Variants in LRP10 observed in about 807,000 individuals in gnomAD.
LRP10 encodes low-density lipoprotein receptor-related protein 10.
Under a neutral mutation model 58.5 loss-of-function variants are expected in LRP10, and 42 were observed. The observed-to-expected ratio is 0.72, with a 90% CI of 0.56 to 0.93. The LOEUF (loss-of-function observed/expected upper bound fraction) is 0.93. LRP10 is among the 40% of genes least tolerant of loss of function. The pLI is 0.00. For synonymous variants in LRP10, 377 were observed against 388.5 expected (o/e 0.97, Z 0.35); for missense variants, 872 against 940.1 (o/e 0.93, Z 0.95).
chr14:22,875,161 C>T lies in LRP10; in HGVS notation c.322C>T (p.Pro108Ser), dbSNP rs1387074371. Residue 108 changes from proline (P) to serine (S), a missense_variant, in exon 4 of 7, where the codon CCC becomes TCC. Transcript: ENST00000359591. ...GGCACCTCCCAGCCCTCTGCAGCTG[C>T]CCGGGGGCAACGTCACCATCACTTA... ...CEAPPSPLQL[P>S]GGNVTITYSY... 6.2e-7 allele frequency: 1 copy of T among 1,613,772 alleles called. No homozygotes were observed. The highest frequency in any genetic ancestry group is 2.2e-5 in the East Asian group (1 of 44,886).
intron 1 of LRP10, 91 bp downstream of exon 1, chr14:22,872,428 C>T (rs891004191): frequency 2.7e-6 from 4 of 1,482,846 alleles, no homozygotes; most frequent in East Asian, 2.3e-5. Flanking sequence ...TCTATCCTGC[C>T]TGCCCATTCC....
chr14:22,874,552 C>T (rs2039983204), intron 3 of LRP10, among the ~76,000 whole-genome samples: 1 of 152,146 alleles, frequency 6.6e-6, no homozygotes, highest in Non-Finnish European at 1.5e-5. Context: ...ATGAGGTATT[C>T]CTACCATGTT....
rs1595033121 is a variant in LRP10 at position 22,879,137 on chromosome 14, T to C, written c.*1610T>C. On this transcript the variant is annotated 3_prime_UTR_variant, in exon 7 of 7. Transcript: ENST00000359591. ...CCCACACCTGGTGGAGAGGCCCTGT[T>C]GATTACACCCTGTCAGCCTCCTCAA... 2 of 456,260 alleles carry C rather than the reference T, an allele frequency of 4.4e-6. No individual in the cohort carries two copies. The highest frequency in any genetic ancestry group is 8.8e-6 in the Non-Finnish European group (2 of 226,644). 28.3% of individuals were successfully genotyped at this position (456,260 alleles called of 1,614,324 possible).
Position 22,871,892 on chromosome 14 carries a change from C to T in LRP10, c.-412C>T. The stretch of plus-strand genomic sequence containing the variant: ...GAGGAGTGGAGCAGCACCCGGCCGG[C>T]CCTGGGGGCTGACAGTCGGCAAAGT... On this transcript the variant is annotated 5_prime_UTR_variant, in exon 1 of 7. Coordinates refer to ENST00000359591, the MANE Select transcript of LRP10 (RefSeq NM_014045.5). 1 of 270,446 alleles carries T rather than the reference C, an allele frequency of 3.7e-6. No homozygotes were observed. Among genetic ancestry groups the T allele is most frequent in the Non-Finnish European group, 7.1e-6 (1 of 140,230 alleles). The allele number at this position is 270,446 out of a possible 1,614,324, so 16.8% of individuals were successfully genotyped here.
rs969136604 is a variant in LRP10 at position 22,881,175 on chromosome 14, C to T, written c.*3648C>T. On this transcript the variant is annotated 3_prime_UTR_variant, in exon 7 of 7. Transcript: ENST00000359591. The stretch of plus-strand genomic sequence containing the variant: ...CTCTACCAAGTGGTGGATTTAGAGC[C>T]GGCATGGCTTCGTTCCAAATCTCAC... 6.6e-6 allele frequency: 1 copy of T among 152,174 alleles called. No homozygotes were observed. The highest frequency in any genetic ancestry group is 6.5e-5 in the Admixed American group (1 of 15,272). 9.4% of individuals were successfully genotyped at this position (152,174 alleles called of 1,614,324 possible).
At position 22,881,705 on chromosome 14, in the gene LRP10, AAAGT is replaced by A. The variant is rs771251475; in HGVS notation, c.*4181_*4184del. The A allele has an allele frequency of 2.0e-5, 3 of 152,224 alleles. No homozygotes were observed. The highest frequency in any genetic ancestry group is 4.4e-5 in the Non-Finnish European group (3 of 68,048). The allele number at this position is 152,224 out of a possible 1,614,324, so 9.4% of individuals were successfully genotyped here. On this transcript the variant is annotated 3_prime_UTR_variant, in exon 7 of 7. Transcript: ENST00000359591. ...TAAAATTGTGAATAAAAGTAAGTAAAAAGTAAAAGTAAGTAGGCCATGACTGAGG... is the reference window on the plus strand; with the variant it reads ...TAAAATTGTGAATAAAAGTAAGTAAAAAAAGTAAGTAGGCCATGACTGAGG...
At position 22,877,174 on chromosome 14, in the gene LRP10, G is replaced by C; in HGVS notation, c.1789G>C (p.Gly597Arg). The C allele has an allele frequency of 6.2e-7, 1 of 1,601,328 alleles. No homozygotes were observed. The highest frequency in any genetic ancestry group is 8.5e-7 in the Non-Finnish European group (1 of 1,173,924). ...CCTTGAGGCCCTAGATGGTGGCACA[G>C]GTCCAGCCCGTGAGGGCGGGGCAGT... ...APLEALDGGT[G>R]PAREGGAVGG... is the part of the protein sequence containing the mutation. Residue 597 changes from glycine to arginine, a missense_variant, in exon 7 of 7, where the codon GGT becomes CGT. Transcript: ENST00000359591. This position sits in a 1 kb window ranked among gnomAD's most constrained non-coding sequence, Gnocchi z 5.1.
chr14:22,879,463 T>TA lies in LRP10; in HGVS notation c.*1937dup. The TA allele has an allele frequency of 7.6e-6, 2 of 261,942 alleles. No individual in the cohort carries two copies. Among genetic ancestry groups the TA allele is most frequent in the South Asian group, 7.2e-5 (2 of 27,654 alleles). The allele number at this position is 261,942 out of a possible 1,614,324, so 16.2% of individuals were successfully genotyped here. ...TGATTTTCCCTCCCCTGCCTCTCCA[T>TA]AGCCTGGTCTTTTGCCCTCTCCTTT... On this transcript the variant is annotated 3_prime_UTR_variant, in exon 7 of 7. Transcript: ENST00000359591.
At position 22,876,192 on chromosome 14, in the gene LRP10, C is replaced by T; in HGVS notation, c.1244C>T (p.Thr415Met). Reference protein sequence around the residue: ...RCRDEKCVYETWVCDGQPDCA... With the variant: ...RCRDEKCVYEMWVCDGQPDCA... Reference sequence around the variant, plus strand: ...CGGGACGAGAAGTGCGTGTATGAGACGTGGGTGTGCGATGGGCAGCCAGAC... The same window carrying T: ...CGGGACGAGAAGTGCGTGTATGAGATGTGGGTGTGCGATGGGCAGCCAGAC... The change falls in exon 5 of 7, where the codon ACG (threonine) becomes ATG (methionine). Residue 415 changes from threonine to methionine, a missense_variant. Physicochemically the swap from Thr to Met is moderately conservative, Grantham distance 81 (BLOSUM62 -1). Coordinates refer to ENST00000359591, the MANE Select transcript of LRP10 (RefSeq NM_014045.5). 1.2e-6 allele frequency: 2 copies of T among 1,614,218 alleles called. No individual in the cohort carries two copies. Among genetic ancestry groups the T allele is most frequent in the South Asian group, 1.1e-5 (1 of 91,090 alleles).
At position 22,875,798 on chromosome 14, in the gene LRP10, G is replaced by C. The variant is rs2039997807; in HGVS notation, c.850G>C (p.Val284Leu). ...TGTGGAGACACTGTCTGGCCAGGCT[G>C]TTGTGTCCTACCACACAGTTGCTTG... ...VTVETLSGQA[V>L]VSYHTVAWSN... Residue 284 changes from valine to leucine, a missense_variant, in exon 5 of 7, where the codon GTT becomes CTT. Physicochemically the swap from Val to Leu is conservative, Grantham distance 32. Coordinates refer to ENST00000359591, the MANE Select transcript of LRP10 (RefSeq NM_014045.5). The C allele has an allele frequency of 6.2e-7, 1 of 1,614,208 alleles. No individual in the cohort carries two copies. Among genetic ancestry groups the C allele is most frequent in the Non-Finnish European group, 8.5e-7 (1 of 1,180,030 alleles).
chr14:22,874,255 G>T (rs2039981425), intron 3 of LRP10, among the ~76,000 whole-genome samples: 1 of 152,236 alleles, frequency 6.6e-6, no homozygotes, highest in East Asian at 1.9e-4. Context: ...CCAGAAAGGG[G>T]TAGGCAAAGA....
rs752224879 is a variant in LRP10, at chr14:22,875,773, T to C, written c.825T>C (p.Thr275=). ...LTHFSNGKAV[T]VETLSGQAVV... is the part of the protein sequence containing the mutation. ...ACTTCAGCAATGGCAAGGCTGTCAC[T>C]GTGGAGACACTGTCTGGCCAGGCTG... The change falls in exon 5 of 7, where the codon ACT becomes ACC. Residue 275 remains threonine (T), a synonymous_variant. Transcript: ENST00000359591. 10 of 1,614,056 alleles carry C rather than the reference T, an allele frequency of 6.2e-6. No individual in the cohort carries two copies. Among genetic ancestry groups the C allele is most frequent in the Non-Finnish European group, 8.5e-6 (10 of 1,180,020 alleles).
At position 22,875,484 on chromosome 14, in the gene LRP10, T is replaced by C. The variant is rs2039992677; in HGVS notation, c.536T>C (p.Phe179Ser). Reference protein sequence around the residue: ...SDEAGCSSDPFPGLTPRPVPS... With the variant: ...SDEAGCSSDPSPGLTPRPVPS... ...GAAGCAGGTTGCAGCTCAGACCCCT[T>C]CCCTGGCCTGACCCCAAGACCCGTC... Residue 179 changes from phenylalanine to serine, a missense_variant, in exon 5 of 7, where the codon TTC (phenylalanine) becomes TCC (serine). Physicochemically the swap from Phe to Ser is radical, Grantham distance 155. Transcript: ENST00000359591. The C allele has an allele frequency of 1.9e-6, 3 of 1,614,194 alleles. No individual in the cohort carries two copies. Among genetic ancestry groups the C allele is most frequent in the Non-Finnish European group, 2.5e-6 (3 of 1,180,024 alleles).
rs556049793 is a variant in LRP10 at position 22,877,523 on chromosome 14, C to T, written c.2138C>T (p.Thr713Ile). 4 of 1,591,934 alleles carry T rather than the reference C, an allele frequency of 2.5e-6. No homozygotes were observed. In the South Asian group the frequency reaches 3.4e-5, roughly 13 times the overall value. Residue 713 changes from threonine (T) to isoleucine (I), a missense_variant, in exon 7 of 7, where the codon ACC becomes ATC. Coordinates refer to ENST00000359591, the MANE Select transcript of LRP10 (RefSeq NM_014045.5). This position sits in a 1 kb window ranked among gnomAD's most constrained non-coding sequence, Gnocchi z 5.1. The stretch of plus-strand genomic sequence containing the variant: ...GAGGCAGAGGATGAGCCACTGCTTA[C>T]CTGAGGGGACCTGGGGGCTCTACTG... Reference protein sequence around the residue: ...VAEAEDEPLLT With the variant: ...VAEAEDEPLLI
At chr14:22,874,262 AAG>A (rs1267989436) in intron 3 of LRP10, among the ~76,000 whole-genome samples, 2 of 152,210 alleles carry the variant, frequency 1.3e-5, no homozygotes, top group African/African-American at 2.4e-5. Flanking sequence ...GGGGTAGGCA[AAG>A]AGAGAGGGCA....
chr14:22,872,081 A>G lies in LRP10; in HGVS notation c.-223A>G, dbSNP rs1287542262. ...GAGAGAAGAGTGCGGCGGCGGACGG[A>G]GAAAACAACTCCAAAGTTGGCGAAA... is the stretch of plus-strand genomic sequence containing the variant. On this transcript the variant is annotated 5_prime_UTR_variant, in exon 1 of 7. Transcript: ENST00000359591. 1.7e-6 allele frequency: 1 copy of G among 593,772 alleles called. No individual in the cohort carries two copies. Among genetic ancestry groups the G allele is most frequent in the Non-Finnish European group, 3.0e-6 (1 of 333,840 alleles). 36.8% of individuals were successfully genotyped at this position (593,772 alleles called of 1,614,324 possible). A position where few individuals can be genotyped will look rare whatever the true frequency, so the allele number is the denominator to read the frequency against.
At position 22,881,252 on chromosome 14, in the gene LRP10, G is replaced by C. The variant is rs1001308106; in HGVS notation, c.*3725G>C. 1 of 152,280 alleles carries C rather than the reference G, an allele frequency of 6.6e-6. No individual in the cohort carries two copies. Among genetic ancestry groups the C allele is most frequent in the Admixed American group, 6.5e-5 (1 of 15,286 alleles). 9.4% of individuals were successfully genotyped at this position (152,280 alleles called of 1,614,324 possible). On this transcript the variant is annotated 3_prime_UTR_variant, in exon 7 of 7. Transcript: ENST00000359591. ...CCCATTCCTGAGGGAGCCTGGATAC[G>C]GGCAAGTGCACAACCCGGGAGGTTG...
At position 22,871,925 on chromosome 14, in the gene LRP10, G is replaced by A; in HGVS notation, c.-379G>A. The A allele has an allele frequency of 9.1e-6, 3 of 329,602 alleles. No individual in the cohort carries two copies. The highest frequency in any genetic ancestry group is 5.6e-6 in the Non-Finnish European group (1 of 177,610). 20.4% of individuals were successfully genotyped at this position (329,602 alleles called of 1,614,324 possible). On this transcript the variant is annotated 5_prime_UTR_variant, in exon 1 of 7. Transcript: ENST00000359591. ...GCTGACAGTCGGCAAAGTTTGGCCC[G>A]AAGAGGAAGTGGTCTCAAACCCCGG... is the stretch of plus-strand genomic sequence containing the variant.
At chr14:22,872,981 G>T in intron 2 of LRP10, 199 bp downstream of exon 2, 1 of 627,616 alleles carries the variant, frequency 1.6e-6, no homozygotes, top group Non-Finnish European at 2.8e-6. Context: ...TATTTTTTCT[G>T]GGAATATCTA....
Sources: allele counts gnomAD v4.1 joint callset (sites outside exome capture counted in the v4.1 genomes callset), GRCh38; gene constraint gnomAD v4.1.1; non-coding constraint Gnocchi (gnomAD v3.1); transcripts MANE v1.5; gene names NCBI Gene and HGNC (gene_info 2026-07-23, HGNC 2026-07-21).